NOTCH2: variants seen among roughly 807,000 people sequenced by gnomAD.
NOTCH2 encodes the protein notch receptor 2.
In NOTCH2, 29 loss-of-function variants were observed where a neutral mutation model predicts 235.8. The ratio of observed to expected loss-of-function variants is 0.12; its 90% CI spans 0.09 to 0.17. The LOEUF is 0.17. Among genes scored for constraint, NOTCH2 ranks in the 10% least tolerant of loss-of-function variants. The probability of loss-of-function intolerance (pLI) is 1.00; values close to 1 mark genes in which losing one functional copy is unlikely to be tolerated. For missense variants in NOTCH2, 2,285 were observed against 3,150.2 expected (o/e 0.73, Z 6.57); for synonymous variants, 1,086 against 1,141.5 (o/e 0.95, Z 0.98).
chr1:120,061,706 C>CT (rs1655331167), intron 1 of NOTCH2, among the ~76,000 whole-genome samples: 1 of 124,916 alleles, frequency 8.0e-6, no homozygotes, highest in African/African-American at 3.0e-5. Context: ...ATGAGTCCAT[C>CT]TTGGCAAGAT....
chr1:119,939,957 C>T (rs1475646735), intron 19 of NOTCH2, among the ~76,000 whole-genome samples: 1 of 152,222 alleles, frequency 6.6e-6, no homozygotes, highest in African/African-American at 2.4e-5. Flanking sequence ...TTAAATTAAA[C>T]ACAGGGCTGT....
In NOTCH2 at chr1:119,963,761, G is replaced by C. The variant is rs782749200; in HGVS notation, c.1728C>G (p.Pro576=). 1 of 1,613,976 alleles carries C rather than the reference G, an allele frequency of 6.2e-7. No homozygotes were observed. Among genetic ancestry groups the C allele is most frequent in the Non-Finnish European group, 8.5e-7 (1 of 1,179,986 alleles). The change falls in exon 11 of 34, where the codon CCC becomes CCG. Residue 576 remains proline (P), a synonymous_variant. Transcript: ENST00000256646. ...GACACTGACCATGGTGGCAAGGATC[G>C]GGGTCACAGTTGTCAATGTTCTCCT... is the stretch of plus-strand genomic sequence containing the variant. The part of the protein sequence containing the change: ...LCEENIDNCD[P]DPCHHGQCQD...
chr1:119,960,479 A>G (rs1650894472), intron 11 of NOTCH2, among the ~76,000 whole-genome samples: 1 of 150,298 alleles, frequency 6.7e-6, no homozygotes, highest in South Asian at 2.1e-4. Flanking sequence ...AATATATTTC[A>G]CAAATATCTC....
intron 2 of NOTCH2, among the ~76,000 whole-genome samples, chr1:120,007,734 T>C (rs1653038045): frequency 6.6e-6 from 1 of 152,078 alleles, no homozygotes; most frequent in Admixed American, 6.5e-5. Context: ...TTTTCTGTCT[T>C]CTTTGTGCTT....
rs1238738288 is a variant in NOTCH2 at position 119,913,358 on chromosome 1, G to A, written c.*1948C>T. ...CGCAGGGTTTCCATATGGGGCCACC[G>A]ACAGACAAATCAGGTAAGTGGGAAG... On this transcript the variant is annotated 3_prime_UTR_variant, in exon 34 of 34. Transcript: ENST00000256646. The A allele has an allele frequency of 4.3e-6, 1 of 233,128 alleles. No homozygotes were observed. The highest frequency in any genetic ancestry group is 5.6e-5 in the Admixed American group (1 of 17,774). 14.4% of individuals were successfully genotyped at this position (233,128 alleles called of 1,614,324 possible).
intron 22 of NOTCH2, among the ~76,000 whole-genome samples, chr1:119,932,414 C>T (rs1649698046): frequency 6.6e-6 from 1 of 152,024 alleles, no homozygotes; most frequent in Non-Finnish European, 1.5e-5. Flanking sequence ...ATGGAGAAAC[C>T]CTGTCTCTAT....
rs2101141069 is a variant in NOTCH2, at chr1:119,915,346, A to T, written c.7376T>A (p.Met2459Lys). 1 of 1,613,968 alleles carries T rather than the reference A, an allele frequency of 6.2e-7. No individual in the cohort carries two copies. Among genetic ancestry groups the T allele is most frequent in the African/African-American group, 1.3e-5 (1 of 75,026 alleles). ...GGGQRGPGTHMSEPPHNNMQV... is the reference protein window; with the variant it reads ...GGGQRGPGTHKSEPPHNNMQV... ...CATGTTGTTGTGTGGTGGCTCAGAC[A>T]TGTGTGTCCCAGGTCCCCGCTGACC... Residue 2459 changes from methionine (M) to lysine (K), a missense_variant, in exon 34 of 34, where the codon ATG (methionine) becomes AAG (lysine). This residue lies in a region of NOTCH2 where 504 missense variants were observed against 538.0 expected (regional missense o/e 0.94). Coordinates refer to ENST00000256646, the MANE Select transcript of NOTCH2 (RefSeq NM_024408.4).
chr1:119,941,805 C>A, intron 17 of NOTCH2, 51 bp from the exon 18 acceptor site: 1 of 1,366,792 alleles, frequency 7.3e-7, no homozygotes, highest in Non-Finnish European at 1.0e-6. Context: ...TCAGTTTAAT[C>A]TTAGATTCAT....
chr1:119,965,584 G>A lies in NOTCH2; in HGVS notation c.1568-18C>T, dbSNP rs781927859. The A allele has an allele frequency of 4.0e-6, 6 of 1,484,408 alleles. No individual in the cohort carries two copies. Among genetic ancestry groups the A allele is most frequent in the Middle Eastern group, 1.7e-4 (1 of 5,854 alleles). The allele number at this position is 1,484,408 out of a possible 1,614,324, so 92.0% of individuals were successfully genotyped here. On this transcript the variant is annotated intron_variant, in intron 9 of 33. Coordinates refer to ENST00000256646, the MANE Select transcript of NOTCH2 (RefSeq NM_024408.4). ...AGTGAAACCTCAAAAAGGGACAGTGGTAACATGAGTCAAAGGATTATCTTG... is the reference window on the plus strand; with the variant it reads ...AGTGAAACCTCAAAAAGGGACAGTGATAACATGAGTCAAAGGATTATCTTG...
At chr1:119,959,837 C>T (rs1203056533) in intron 11 of NOTCH2, among the ~76,000 whole-genome samples, 3 of 152,210 alleles carry the variant, frequency 2.0e-5, no homozygotes, top group African/African-American at 7.2e-5. Flanking sequence ...TACTGCTCAC[C>T]TCCACATGCC....
At chr1:119,939,829 T>A (rs928153944) in intron 19 of NOTCH2, among the ~76,000 whole-genome samples, 31 of 152,232 alleles carry the variant, frequency 2.0e-4, no homozygotes, top group African/African-American at 7.5e-4. Context: ...GGTGCTCACA[T>A]GTCTAATATA....
At chr1:119,928,911 G>C in intron 23 of NOTCH2, 65 bp downstream of exon 23, 1 of 1,357,260 alleles carries the variant, frequency 7.4e-7, no homozygotes. Flanking sequence ...AACTCACAGG[G>C]CCCAATTTGT....
rs1553198260 is a variant in NOTCH2 at position 119,955,148 on chromosome 1, A to C, written c.2111T>G (p.Phe704Cys). 6.2e-7 allele frequency: 1 copy of C among 1,614,184 alleles called. No individual in the cohort carries two copies. Among genetic ancestry groups the C allele is most frequent in the Admixed American group, 1.7e-5 (1 of 60,028 alleles). ...GATCINGVNG[F>C]RCICPEGPHH... ...GGGTCCCTCGGGGCATATACAGCGG[A>C]AACCATTCACACCGTTGATACATGT... The change falls in exon 13 of 34, where the codon TTC becomes TGC. Residue 704 changes from phenylalanine (F) to cysteine (C), a missense_variant. Phe to Cys is a radical substitution (Grantham distance 205). Around this residue, in one of 6 missense-constraint regions of NOTCH2, gnomAD observed 1,173 missense variants for 1,515.3 expected, o/e 0.77. Coordinates refer to ENST00000256646, the MANE Select transcript of NOTCH2 (RefSeq NM_024408.4).
In NOTCH2 at chr1:119,926,424, GT is replaced by G. The variant is rs1649473413; in HGVS notation, c.4005+74del. On this transcript the variant is annotated intron_variant, in intron 24 of 33. Coordinates refer to ENST00000256646, the MANE Select transcript of NOTCH2 (RefSeq NM_024408.4). ...CCATTTCGAAGATTGGTAAAACCAG[GT>G]TTAATCTCAGTTCTGTTCACAGATT... 86 of 1,149,842 alleles carry G rather than the reference GT, an allele frequency of 7.5e-5. 1 individual carries two copies. In the South Asian group the frequency reaches 1.1e-3, roughly 14 times the overall value. The allele number at this position is 1,149,842 out of a possible 1,614,324, so 71.2% of individuals were successfully genotyped here.
chr1:120,039,239 AT>A (rs1292148985), intron 1 of NOTCH2, among the ~76,000 whole-genome samples: 1 of 152,184 alleles, frequency 6.6e-6, no homozygotes, highest in African/African-American at 2.4e-5. Flanking sequence ...ACTGCTATAT[AT>A]TTGTGTGCTG....
intron 4 of NOTCH2, among the ~76,000 whole-genome samples, chr1:119,988,267 T>G (rs1652098400): frequency 6.6e-6 from 1 of 152,178 alleles, no homozygotes; most frequent in South Asian, 2.1e-4. Flanking sequence ...GGAACATGGC[T>G]GATTTCTCTA....
At chr1:119,967,131 A>C (rs1651171055) in intron 8 of NOTCH2, among the ~76,000 whole-genome samples, 1 of 152,218 alleles carries the variant, frequency 6.6e-6, no homozygotes, top group South Asian at 2.1e-4. Context: ...GGTATCAGGA[A>C]AACTTGCTAT....
At chr1:119,976,983 CTA>C (rs1651607888) in intron 5 of NOTCH2, among the ~76,000 whole-genome samples, 1 of 152,060 alleles carries the variant, frequency 6.6e-6, no homozygotes, top group African/African-American at 2.4e-5. Flanking sequence ...CAGATACATT[CTA>C]TGTTTCCTGC....
At chr1:119,967,867 A>C (rs901580195) in intron 7 of NOTCH2, among the ~76,000 whole-genome samples, 1 of 152,228 alleles carries the variant, frequency 6.6e-6, no homozygotes, top group Non-Finnish European at 1.5e-5. Flanking sequence ...ATTAAGAATC[A>C]AGTACATACG....
Sources: gnomAD v4.1 joint callset for allele counts (sites outside exome capture counted in the v4.1 genomes callset) on GRCh38, gnomAD v4.1.1 for gene constraint, gnomAD v4.1.1 regional missense constraint, MANE v1.5 for transcripts, NCBI Gene and HGNC (gene_info 2026-07-23, HGNC 2026-07-21) for gene names.